MAP4K4: variants seen among roughly 807,000 people sequenced by gnomAD.
The protein encoded by MAP4K4 is HPK/GCK-like kinase HGK.
A neutral mutation model predicts 189.6 loss-of-function variants in MAP4K4; 38 were observed. That is an observed-to-expected ratio of 0.20 (90% CI 0.15 to 0.26). The LOEUF (loss-of-function observed/expected upper bound fraction) is 0.26, where lower values mean the gene tolerates loss of function less well. Ranked by LOEUF, MAP4K4 falls within the 10% of genes least tolerant of loss-of-function variation. The pLI, the probability that MAP4K4 is intolerant of heterozygous loss-of-function variation, is 1.00. For missense variants in MAP4K4, 1,054 were observed against 1,726.9 expected, an observed-to-expected ratio of 0.61 and a Z score of 6.91; for synonymous variants, 610 against 624.3, an observed-to-expected ratio of 0.98 and a Z score of 0.34.
chr2:101,786,065 A>T (rs1249151860), intron 2 of MAP4K4, among the ~76,000 whole-genome samples: 1 of 152,076 alleles, frequency 6.6e-6, no homozygotes, highest in Non-Finnish European at 1.5e-5. Flanking sequence ...ACCTGAAGTG[A>T]TCGCCTGCCT....
At chr2:101,836,069 C>T (rs1239588568) in intron 9 of MAP4K4, 91 bp downstream of exon 9, 2 of 952,350 alleles carry the variant, frequency 2.1e-6, no homozygotes, top group Admixed American at 2.2e-5. Context: ...AAATTCTGGC[C>T]CTTCTAATTC....
At chr2:101,734,703 C>A (rs2059713306) in intron 2 of MAP4K4, among the ~76,000 whole-genome samples, 1 of 152,254 alleles carries the variant, frequency 6.6e-6, no homozygotes, top group East Asian at 1.9e-4. Flanking sequence ...CTCTGTGAGC[C>A]AATCCTTTTT....
At chr2:101,786,410 A>G (rs1230268951) in intron 2 of MAP4K4, among the ~76,000 whole-genome samples, 1 of 152,142 alleles carries the variant, frequency 6.6e-6, no homozygotes, top group African/African-American at 2.4e-5. Flanking sequence ...TTCTTAAAAA[A>G]AAAACATACA....
intron 2 of MAP4K4, among the ~76,000 whole-genome samples, chr2:101,740,310 C>G (rs1227481840): frequency 7.9e-6 from 1 of 127,234 alleles, no homozygotes; most frequent in Admixed American, 7.2e-5. Context: ...CCCGCCACTA[C>G]GCCCGGCTAA....
At chr2:101,843,293 G>A (rs781332012) in intron 11 of MAP4K4, among the ~76,000 whole-genome samples, 1 of 152,162 alleles carries the variant, frequency 6.6e-6, no homozygotes, top group Non-Finnish European at 1.5e-5. Flanking sequence ...GGGTGGAAGG[G>A]CATCTCAAGT....
At chr2:101,746,251 C>T (rs960509951) in intron 2 of MAP4K4, among the ~76,000 whole-genome samples, 3 of 150,722 alleles carry the variant, frequency 2.0e-5, no homozygotes, top group Non-Finnish European at 1.5e-5. Flanking sequence ...CCTCCCAAAG[C>T]ACTGTGATTG....
intron 2 of MAP4K4, among the ~76,000 whole-genome samples, chr2:101,758,549 G>A (rs375139692): frequency 7.2e-5 from 11 of 152,118 alleles, no homozygotes; most frequent in East Asian, 3.9e-4. Context: ...GACTAAGTGC[G>A]GATTTGGTTA....
At chr2:101,863,032 C>A (rs1161207856) in intron 16 of MAP4K4, among the ~76,000 whole-genome samples, 1 of 152,064 alleles carries the variant, frequency 6.6e-6, no homozygotes, top group African/African-American at 2.4e-5. Context: ...TTTCAGAGAT[C>A]ATTTTCCCAA....
exon 33 of MAP4K4, chr2:101,891,329 G>C: frequency 7.8e-7 from 1 of 1,276,542 alleles, no homozygotes; most frequent in Non-Finnish European, 1.1e-6. Context: ...ACTGGAGCTC[G>C]GAGCTGCACC....
intron 2 of MAP4K4, among the ~76,000 whole-genome samples, chr2:101,718,653 G>T (rs2049970208): frequency 6.6e-6 from 1 of 151,204 alleles, no homozygotes; most frequent in African/African-American, 2.4e-5. Context: ...GGATTGAGAG[G>T]CAAAGGAGGT....
chr2:101,883,207 A>G (rs2098428723), intron 28 of MAP4K4, among the ~76,000 whole-genome samples: 1 of 152,234 alleles, frequency 6.6e-6, no homozygotes, highest in African/African-American at 2.4e-5. Flanking sequence ...GTGCACAGCT[A>G]CTATGCTCCT....
At chr2:101,805,039 C>T (rs2094782638) in intron 3 of MAP4K4, among the ~76,000 whole-genome samples, 1 of 139,304 alleles carries the variant, frequency 7.2e-6, no homozygotes, top group Non-Finnish European at 1.5e-5. Flanking sequence ...GCACCATGCA[C>T]TCCAGCCTGG....
chr2:101,760,457 C>G (rs572514171), intron 2 of MAP4K4, among the ~76,000 whole-genome samples: 1 of 147,484 alleles, frequency 6.8e-6, no homozygotes, highest in East Asian at 2.0e-4. Context: ...CCACTGCACT[C>G]CAGCCTGGCA....
chr2:101,707,269 C>T (rs1046158693), intron 2 of MAP4K4, among the ~76,000 whole-genome samples: 5 of 144,052 alleles, frequency 3.5e-5, no homozygotes, highest in South Asian at 2.2e-4. Flanking sequence ...AGTGCAGTGG[C>T]GCCATCTTGG....
chr2:101,765,452 C>T (rs1259793362), intron 2 of MAP4K4, among the ~76,000 whole-genome samples: 1 of 152,170 alleles, frequency 6.6e-6, no homozygotes, highest in Non-Finnish European at 1.5e-5. Flanking sequence ...GCCTCAGCCT[C>T]CCAAGTAGCT....
intron 12 of MAP4K4, among the ~76,000 whole-genome samples, chr2:101,845,064 T>A (rs955785390): frequency 1.3e-5 from 2 of 151,914 alleles, no homozygotes; most frequent in African/African-American, 2.4e-5. Flanking sequence ...TGCAACCACC[T>A]AAGCTAGGAA....
At chr2:101,791,557 A>G (rs2092885348) in intron 3 of MAP4K4, among the ~76,000 whole-genome samples, 1 of 152,184 alleles carries the variant, frequency 6.6e-6, no homozygotes, top group South Asian at 2.1e-4. Flanking sequence ...ATTCAATATC[A>G]TATTTCACAG....
At chr2:101,822,556 T>C (rs1438253147) in intron 3 of MAP4K4, among the ~76,000 whole-genome samples, 1 of 152,240 alleles carries the variant, frequency 6.6e-6, no homozygotes, top group African/African-American at 2.4e-5. Flanking sequence ...TCTGATCTTA[T>C]CATTTATATC....
At chr2:101,765,837 T>C (rs1334870755) in intron 2 of MAP4K4, among the ~76,000 whole-genome samples, 1 of 152,218 alleles carries the variant, frequency 6.6e-6, no homozygotes, top group Non-Finnish European at 1.5e-5. Flanking sequence ...AAATAGTATT[T>C]CAATTTCTGA....
Sources: allele counts gnomAD v4.1 joint callset (sites outside exome capture counted in the v4.1 genomes callset), GRCh38; gene constraint gnomAD v4.1.1; transcripts MANE v1.5; gene names NCBI Gene and HGNC (gene_info 2026-07-23, HGNC 2026-07-21).